Variants in TSPAN18 observed in about 807,000 individuals in gnomAD.
The protein encoded by TSPAN18 is tetraspanin-18.
A neutral mutation model predicts 27.3 loss-of-function variants in TSPAN18; 14 were observed. The observed-to-expected ratio is 0.51, with a 90% CI of 0.34 to 0.80. The LOEUF (loss-of-function observed/expected upper bound fraction) is 0.80, where lower values mean the gene tolerates loss of function less well. Ranked by LOEUF, TSPAN18 falls within the 30% of genes least tolerant of loss-of-function variation. The pLI, the probability that TSPAN18 is intolerant of heterozygous loss-of-function variation, is 0.01. For synonymous variants in TSPAN18, 143 were observed against 136.5 expected (o/e 1.05, Z -0.33); for missense variants, 268 against 323.9 (o/e 0.83, Z 1.32).
intron 3 of TSPAN18, among the ~76,000 whole-genome samples, chr11:44,893,758 C>G (rs991609733): frequency 2.0e-5 from 3 of 152,146 alleles, no homozygotes; most frequent in Non-Finnish European, 4.4e-5. Flanking sequence ...TTTGGAGGAT[C>G]AAGTGAGATC....
At chr11:44,733,229 A>G (rs1440317757) in intron 1 of TSPAN18, among the ~76,000 whole-genome samples, 1 of 152,212 alleles carries the variant, frequency 6.6e-6, no homozygotes, top group Non-Finnish European at 1.5e-5. Context: ...TTTAAGGATC[A>G]ATTGAGATGA....
Position 44,812,763 on chromosome 11 carries a change from G to T in TSPAN18, c.-152-47565G>T, listed in dbSNP as rs147611775. On this transcript the variant is annotated intron_variant, in intron 2 of 9. Coordinates refer to ENST00000520358, the MANE Select transcript of TSPAN18 (RefSeq NM_130783.5). ...ATGCTGCAGGATTCTTAGCTAAAGC[G>T]GGTATCTGAGGGAGGGAGAGGGGGT... is the stretch of plus-strand genomic sequence containing the variant. Among the ~76,000 whole-genome samples, 55 of 152,286 alleles carry T rather than the reference G, an allele frequency of 3.6e-4. No individual in the cohort carries two copies. In the East Asian group the frequency reaches 9.5e-3, roughly 26 times the overall value.
chr11:44,835,223 G>A (rs147785437), intron 2 of TSPAN18, among the ~76,000 whole-genome samples: 4 of 152,360 alleles, frequency 2.6e-5, no homozygotes, highest in African/African-American at 4.8e-5. Context: ...TGGAGTATGG[G>A]CAGCCCCCAG....
intron 1 of TSPAN18, among the ~76,000 whole-genome samples, chr11:44,751,942 A>G (rs1388588131): frequency 6.6e-6 from 1 of 151,648 alleles, no homozygotes; most frequent in Non-Finnish European, 1.5e-5. Flanking sequence ...AAAAAAAAAG[A>G]AGTCATATAT....
At chr11:44,797,044 T>C (rs1856366629) in intron 2 of TSPAN18, among the ~76,000 whole-genome samples, 1 of 151,980 alleles carries the variant, frequency 6.6e-6, no homozygotes, top group South Asian at 2.1e-4. Flanking sequence ...CCTGTGGAGA[T>C]TTTTTCCTTT....
chr11:44,885,851 G>A (rs835773), intron 3 of TSPAN18: 1 of 152,220 alleles, frequency 6.6e-6, no homozygotes, highest in African/African-American at 2.4e-5. Flanking sequence ...GGTTGTGGCC[G>A]CCCCTAATTC....
At chr11:44,884,838 G>A (rs1858595891) in intron 3 of TSPAN18, among the ~76,000 whole-genome samples, 1 of 152,168 alleles carries the variant, frequency 6.6e-6, no homozygotes, top group Non-Finnish European at 1.5e-5. Flanking sequence ...AGGCAGTTCT[G>A]TTCTCTCTCC....
chr11:44,824,717 G>A (rs1856998625), intron 2 of TSPAN18, among the ~76,000 whole-genome samples: 1 of 152,238 alleles, frequency 6.6e-6, no homozygotes, highest in Admixed American at 6.5e-5. Context: ...AACACACTGG[G>A]CTTCCTGGCT....
At chr11:44,908,771 G>GA (rs1223669044) in intron 4 of TSPAN18, among the ~76,000 whole-genome samples, 2 of 26,246 alleles carry the variant, frequency 7.6e-5, no homozygotes, top group African/African-American at 3.5e-4. Flanking sequence ...AGAGAAAGGA[G>GA]AAAGAAAGAA....
chr11:44,889,259 C>G (rs1858763391), intron 3 of TSPAN18, among the ~76,000 whole-genome samples: 1 of 152,262 alleles, frequency 6.6e-6, no homozygotes, highest in Admixed American at 6.5e-5. Context: ...CTGCAAGGTC[C>G]TCCTGGTCCC....
chr11:44,785,399 C>T lies in TSPAN18; in HGVS notation c.-153+20887C>T, dbSNP rs142716563. ...AAATGCTTGTTGAGCTCTGCAACCA[C>T]GGATAGAGTTACAGAGCTTCCGAAT... On this transcript the variant is annotated intron_variant, in intron 2 of 9. Transcript: ENST00000520358. Among the ~76,000 whole-genome samples the T allele has an allele frequency of 8.7e-3, 1,324 of 152,170 alleles. 17 individuals are homozygous for T. The highest frequency in any genetic ancestry group is 0.03 in the African/African-American group (1,258 of 41,488).
chr11:44,821,989 G>C (rs931110253), intron 2 of TSPAN18, among the ~76,000 whole-genome samples: 1 of 152,172 alleles, frequency 6.6e-6, no homozygotes, highest in Non-Finnish European at 1.5e-5. Flanking sequence ...ATGGCTGGGG[G>C]TGAAGGCCAG....
At chr11:44,837,564 G>T (rs907129131) in intron 2 of TSPAN18, among the ~76,000 whole-genome samples, 4 of 152,198 alleles carry the variant, frequency 2.6e-5, no homozygotes, top group African/African-American at 4.8e-5. Context: ...ATTTTGAAAG[G>T]AGTTTTACTG....
chr11:44,925,292 G>A (rs1860310319), intron 8 of TSPAN18, among the ~76,000 whole-genome samples: 1 of 152,212 alleles, frequency 6.6e-6, no homozygotes. Flanking sequence ...CGAGGTCTTG[G>A]CATCTGCATT....
intron 3 of TSPAN18, among the ~76,000 whole-genome samples, chr11:44,873,031 C>A (rs1035975246): frequency 3.3e-5 from 5 of 152,126 alleles, no homozygotes; most frequent in Non-Finnish European, 5.9e-5. Flanking sequence ...CCAGGGAGGG[C>A]TTCCTGGAGG....
chr11:44,878,565 C>T (rs1165731803), intron 3 of TSPAN18, among the ~76,000 whole-genome samples: 1 of 152,114 alleles, frequency 6.6e-6, no homozygotes, highest in Non-Finnish European at 1.5e-5. Context: ...TGGTGGGTAC[C>T]CACGGGGCCC....
At chr11:44,834,433 A>G (rs1368533836) in intron 2 of TSPAN18, among the ~76,000 whole-genome samples, 1 of 152,246 alleles carries the variant, frequency 6.6e-6, no homozygotes, top group Non-Finnish European at 1.5e-5. Flanking sequence ...GTTTCAGAGC[A>G]CACTGTGTGT....
chr11:44,924,903 C>T (rs1860292634), intron 8 of TSPAN18, among the ~76,000 whole-genome samples: 2 of 152,312 alleles, frequency 1.3e-5, no homozygotes, highest in Admixed American at 1.3e-4. Flanking sequence ...TTTTAAAAAA[C>T]TCGCTTAACA....
chr11:44,911,876 GGC>G (rs1859729757), intron 5 of TSPAN18, among the ~76,000 whole-genome samples: 1 of 152,040 alleles, frequency 6.6e-6, no homozygotes, highest in African/African-American at 2.4e-5. Context: ...AGGTGATCCT[GGC>G]TGCCAGGCTG....
Sources: gnomAD v4.1 joint callset for allele counts (sites outside exome capture counted in the v4.1 genomes callset) on GRCh38, gnomAD v4.1.1 for gene constraint, MANE v1.5 for transcripts, NCBI Gene and HGNC (gene_info 2026-07-23, HGNC 2026-07-21) for gene names.